Variants in ZNF438 observed in about 807,000 individuals in gnomAD.
The protein encoded by ZNF438 is zinc finger protein 438.
Under a neutral mutation model 38.0 loss-of-function variants are expected in ZNF438, and 25 were observed. That is an observed-to-expected ratio of 0.66 (90% CI 0.48 to 0.92). The LOEUF is 0.92. Ranked by LOEUF, ZNF438 falls within the 40% of genes least tolerant of loss-of-function variation. The pLI is 0.00. For missense variants in ZNF438, 1,007 were observed against 999.6 expected (o/e 1.01, Z -0.10); for synonymous variants, 372 against 364.1 (o/e 1.02, Z -0.25).
chr10:30,954,214 T>C (rs1468126451), intron 1 of ZNF438, among the ~76,000 whole-genome samples: 1 of 152,202 alleles, frequency 6.6e-6, no homozygotes, highest in East Asian at 1.9e-4. Context: ...AGGTTGAAAG[T>C]GGTGGTCTCC....
intron 1 of ZNF438, among the ~76,000 whole-genome samples, chr10:30,953,480 C>T (rs2048476887): frequency 6.7e-6 from 1 of 149,696 alleles, no homozygotes; most frequent in Non-Finnish European, 1.5e-5. Flanking sequence ...ATTAAGAAAA[C>T]TGGAGGGAGC....
intron 4 of ZNF438, among the ~76,000 whole-genome samples, chr10:30,863,088 A>T (rs2133207400): frequency 6.6e-6 from 1 of 152,292 alleles, no homozygotes; most frequent in Admixed American, 6.5e-5. Flanking sequence ...TTTTATGTCA[A>T]ATAGTTCATG....
chr10:30,987,335 A>AC (rs141150686), intron 1 of ZNF438, among the ~76,000 whole-genome samples: 1 of 151,580 alleles, frequency 6.6e-6, no homozygotes, highest in Non-Finnish European at 1.5e-5. Context: ...AAAAAAAAAA[A>AC]CTAAAATATT....
intron 2 of ZNF438, among the ~76,000 whole-genome samples, chr10:30,939,148 A>C (rs1030843584): frequency 6.6e-6 from 1 of 152,218 alleles, no homozygotes; most frequent in Non-Finnish European, 1.5e-5. Context: ...AGCATTGACC[A>C]CAGTATTAAG....
intron 3 of ZNF438, among the ~76,000 whole-genome samples, chr10:30,877,763 C>T (rs929488652): frequency 1.3e-5 from 2 of 152,042 alleles, no homozygotes; most frequent in East Asian, 3.8e-4. Flanking sequence ...CTGAATAAGA[C>T]AATTCAAATA....
intron 4 of ZNF438, among the ~76,000 whole-genome samples, chr10:30,857,348 A>C (rs1316879014): frequency 6.8e-6 from 1 of 147,554 alleles, no homozygotes; most frequent in Non-Finnish European, 1.5e-5. Flanking sequence ...TCTACCTCCC[A>C]GGTTCAAGTG....
intron 4 of ZNF438, among the ~76,000 whole-genome samples, chr10:30,872,198 G>A (rs1369134878): frequency 6.6e-6 from 1 of 151,440 alleles, no homozygotes; most frequent in Non-Finnish European, 1.5e-5. Flanking sequence ...TCAAGCAAGT[G>A]GAATTTAAGC....
At chr10:30,878,051 C>T (rs2994667) in intron 3 of ZNF438, among the ~76,000 whole-genome samples, 150,579 of 152,282 alleles carry the variant, frequency 0.99, 74,461 homozygotes, top group East Asian at 1. Flanking sequence ...TGAACATCAG[C>T]GATGGAAGCA....
chr10:30,886,459 T>C (rs1056395349), intron 3 of ZNF438, among the ~76,000 whole-genome samples: 1 of 152,204 alleles, frequency 6.6e-6, no homozygotes, highest in Non-Finnish European at 1.5e-5. Flanking sequence ...GGCTATATAC[T>C]GATAAACCCA....
At chr10:30,993,045 T>C (rs557537572) in intron 1 of ZNF438, among the ~76,000 whole-genome samples, 1 of 152,314 alleles carries the variant, frequency 6.6e-6, no homozygotes, top group South Asian at 2.1e-4. Context: ...ACAGAATTTA[T>C]AATCAAATGA....
At chr10:31,015,014 T>C (rs2056072234) in intron 1 of ZNF438, among the ~76,000 whole-genome samples, 1 of 152,152 alleles carries the variant, frequency 6.6e-6, no homozygotes, top group Admixed American at 6.5e-5. Context: ...TATGCCACCA[T>C]GCCCAGTTAA....
At chr10:30,850,888 T>C (rs1207137676) in intron 4 of ZNF438, among the ~76,000 whole-genome samples, 1 of 152,210 alleles carries the variant, frequency 6.6e-6, no homozygotes, top group African/African-American at 2.4e-5. Context: ...GCGCTTCTTG[T>C]ATCAAACTCA....
At chr10:31,000,600 C>G (rs2054550410) in intron 1 of ZNF438, among the ~76,000 whole-genome samples, 1 of 152,112 alleles carries the variant, frequency 6.6e-6, no homozygotes, top group South Asian at 2.1e-4. Flanking sequence ...CTTAGCTGAC[C>G]TCATTCCTGT....
intron 4 of ZNF438, among the ~76,000 whole-genome samples, chr10:30,867,621 C>T (rs563580877): frequency 2.8e-4 from 42 of 151,978 alleles, no homozygotes; most frequent in African/African-American, 9.9e-4. Context: ...ATCTAACTTC[C>T]TATGTCTTTT....
At chr10:31,024,384 C>A (rs1160940167) in intron 1 of ZNF438, among the ~76,000 whole-genome samples, 1 of 152,036 alleles carries the variant, frequency 6.6e-6, no homozygotes, top group South Asian at 2.1e-4. Flanking sequence ...CCTAGCACTT[C>A]GGGAGGTGAA....
At chr10:30,968,726 G>A (rs1212470165) in intron 1 of ZNF438, among the ~76,000 whole-genome samples, 1 of 152,084 alleles carries the variant, frequency 6.6e-6, no homozygotes, top group South Asian at 2.1e-4. Flanking sequence ...ACAGGCGTGA[G>A]CCACCGTGCC....
At chr10:30,888,496 A>AT (rs2040251368) in intron 3 of ZNF438, among the ~76,000 whole-genome samples, 1 of 151,932 alleles carries the variant, frequency 6.6e-6, no homozygotes, top group South Asian at 2.1e-4. Context: ...CCCAATAGTT[A>AT]TTTTTTCTGC....
At chr10:30,936,803 T>C (rs1343106395) in intron 2 of ZNF438, among the ~76,000 whole-genome samples, 1 of 152,248 alleles carries the variant, frequency 6.6e-6, no homozygotes, top group Non-Finnish European at 1.5e-5. Flanking sequence ...AAAGTCACTG[T>C]TTTTAAATAT....
chr10:30,952,456 G>T (rs1460333132), intron 1 of ZNF438, among the ~76,000 whole-genome samples: 5 of 152,168 alleles, frequency 3.3e-5, no homozygotes, highest in African/African-American at 1.2e-4. Context: ...CCATCAGAGT[G>T]AACAGGCAAC....
Sources: allele counts gnomAD v4.1 joint callset (sites outside exome capture counted in the v4.1 genomes callset), GRCh38; gene constraint gnomAD v4.1.1; transcripts MANE v1.5; gene names NCBI Gene and HGNC (gene_info 2026-07-23, HGNC 2026-07-21).